Variants in OTOG observed in about 807,000 individuals in gnomAD.
OTOG encodes the protein otogelin.
Under a neutral mutation model 313.8 loss-of-function variants are expected in OTOG, and 296 were observed. The ratio of observed to expected loss-of-function variants is 0.94; its 90% CI spans 0.86 to 1.04. The LOEUF is 1.04. Ranked by LOEUF, OTOG falls within the 50% of genes least tolerant of loss-of-function variation. The probability of loss-of-function intolerance (pLI) is 0.00; values close to 1 mark genes in which losing one functional copy is unlikely to be tolerated. For missense variants in OTOG, 3,948 were observed against 3,840.1 expected, an observed-to-expected ratio of 1.03 and a Z score of -0.74; for synonymous variants, 1,533 against 1,554.9, an observed-to-expected ratio of 0.99 and a Z score of 0.33.
At chr11:17,548,519 A>T (rs1357963853) in intron 3 of OTOG, among the ~76,000 whole-genome samples, 1 of 144,918 alleles carries the variant, frequency 6.9e-6, no homozygotes, top group Non-Finnish European at 1.5e-5. Context: ...GGCAGGTAAA[A>T]GTAGAAAGAT....
Position 17,583,807 on chromosome 11 carries a change from C to T in OTOG, c.2760-2667C>T, listed in dbSNP as rs1364584335. On this transcript the variant is annotated intron_variant, in intron 23 of 55. Coordinates refer to ENST00000399397, the MANE Select transcript of OTOG (RefSeq NM_001292063.2). Reference sequence around the variant, plus strand: ...AAGTTGTTCTAGGTCTTTGCATTTCCGAGTAAATTTAGGATCAGCTTATCA... The same window carrying T: ...AAGTTGTTCTAGGTCTTTGCATTTCTGAGTAAATTTAGGATCAGCTTATCA... Among the ~76,000 whole-genome samples, 3 of 151,806 alleles carry T rather than the reference C, an allele frequency of 2.0e-5. 1 individual carries two copies. Among genetic ancestry groups the T allele is most frequent in the South Asian group, 2.1e-4 (1 of 4,806 alleles).
chr11:17,604,958 C>T (rs556515915), intron 32 of OTOG, among the ~76,000 whole-genome samples: 6 of 152,330 alleles, frequency 3.9e-5, no homozygotes, highest in Admixed American at 2.0e-4. Context: ...GGGACACTAT[C>T]GTCCCTCCTG....
intron 35 of OTOG, among the ~76,000 whole-genome samples, chr11:17,609,432 G>A (rs923239362): frequency 6.6e-6 from 1 of 152,078 alleles, no homozygotes; most frequent in Non-Finnish European, 1.5e-5. Flanking sequence ...CACATGGTGA[G>A]AAGGTGGTGC....
rs76783895 is a variant in OTOG, at chr11:17,645,509, T to C, written c.8462-55T>C. 2.0e-3 allele frequency: 2,969 copies of C among 1,521,450 alleles called. 63 individuals carry two copies. In the African/African-American group the frequency reaches 0.036, roughly 18 times the overall value. The allele number at this position is 1,521,450 out of a possible 1,614,324, so 94.2% of individuals were successfully genotyped here. ...ACTGCCCTGGGCTGGCCCATCCTGCTGCCCCGAAGAAGCCTGGTCTTGGCC... is the reference window on the plus strand; with the variant it reads ...ACTGCCCTGGGCTGGCCCATCCTGCCGCCCCGAAGAAGCCTGGTCTTGGCC... On this transcript the variant is annotated intron_variant, in intron 54 of 55. Coordinates refer to ENST00000399397, the MANE Select transcript of OTOG (RefSeq NM_001292063.2).
intron 31 of OTOG, among the ~76,000 whole-genome samples, chr11:17,601,604 C>T (rs1301970157): frequency 8.8e-6 from 1 of 113,794 alleles, no homozygotes; most frequent in African/African-American, 3.6e-5. Context: ...GGGGGCGTGG[C>T]TGGGAGGGCA....
chr11:17,629,044 A>G (rs1259653915), intron 39 of OTOG, 89 bp from the exon 40 acceptor site: 1 of 1,270,334 alleles, frequency 7.9e-7, no homozygotes, highest in African/African-American at 1.5e-5. Context: ...GGATGGATGG[A>G]TGGATGAATG....
chr11:17,573,165 AGCAGTGCCGCAGG>A lies in OTOG; in HGVS notation c.2170_2182del (p.Gln724MetfsTer75). On this transcript the variant is annotated frameshift_variant, in exon 19 of 56. Coordinates refer to ENST00000399397, the MANE Select transcript of OTOG (RefSeq NM_001292063.2). LOFTEE classifies it high-confidence loss of function. The stretch of plus-strand genomic sequence containing the variant: ...TTCCTGAGCCCCGTGCCCTACTTTG[AGCAGTGCCGCAGG>A]GATGCCTGCCGCTGCGGGCAGCCCT... 1.9e-6 allele frequency: 3 copies of A among 1,543,664 alleles called. No individual in the cohort carries two copies. The highest frequency in any genetic ancestry group is 2.6e-6 in the Non-Finnish European group (3 of 1,146,882).
chr11:17,644,848 G>A (rs1402912543), intron 54 of OTOG, among the ~76,000 whole-genome samples: 2 of 152,194 alleles, frequency 1.3e-5, no homozygotes, highest in African/African-American at 2.4e-5. Context: ...GGTCAGGGAG[G>A]GAGGACTGAG....
At position 17,608,311 on chromosome 11, in the gene OTOG, G is replaced by A. The variant is rs1051609792; in HGVS notation, c.4172G>A (p.Gly1391Glu). The change falls in exon 34 of 56, where the codon GGG (glycine) becomes GAG (glutamate). Residue 1391 changes from glycine (G) to glutamate (E), a missense_variant. By Grantham distance (98) the Gly-to-Glu change is moderately conservative (BLOSUM62 -2). Transcript: ENST00000399397. ...CACTTTCTAGATGCCAAGCCCTCGG[G>A]GGCTGCCTACCCCATCTGCGAGTGG... The part of the protein sequence containing the change: ...LFRLLDAKPS[G>E]AAYPICEWRY... 6.5e-7 allele frequency: 1 copy of A among 1,536,506 alleles called. No homozygotes were observed. The highest frequency in any genetic ancestry group is 8.8e-7 in the Non-Finnish European group (1 of 1,140,562).
chr11:17,555,968 G>T, intron 7 of OTOG, 71 bp downstream of exon 7: 1 of 1,205,444 alleles, frequency 8.3e-7, no homozygotes, highest in Non-Finnish European at 1.2e-6. Context: ...GTGAGCATCC[G>T]CTCTTCTCAA....
chr11:17,594,258 T>C (rs1430210624), intron 28 of OTOG, 92 bp downstream of exon 28: 1 of 1,470,324 alleles, frequency 6.8e-7, no homozygotes, highest in Non-Finnish European at 9.3e-7. Context: ...AGAGGGATGC[T>C]GGTGTGAGGT....
Position 17,548,000 on chromosome 11 carries a change from G to A in OTOG, c.155+13G>A. On this transcript the variant is annotated intron_variant, in intron 2 of 55. Coordinates refer to ENST00000399397, the MANE Select transcript of OTOG (RefSeq NM_001292063.2). ...CCGGGCAACCCAGGTGAGTAGGTGTGAGCTGTGGCGGCCCCACCCACAGCT... is the reference window on the plus strand; with the variant it reads ...CCGGGCAACCCAGGTGAGTAGGTGTAAGCTGTGGCGGCCCCACCCACAGCT... 6 of 788,918 alleles carry A rather than the reference G, an allele frequency of 7.6e-6. No individual in the cohort carries two copies. The highest frequency in any genetic ancestry group is 1.1e-5 in the Non-Finnish European group (6 of 528,276). The allele number at this position is 788,918 out of a possible 1,614,324, so 48.9% of individuals were successfully genotyped here.
intron 24 of OTOG, among the ~76,000 whole-genome samples, chr11:17,587,440 G>T (rs941158708): frequency 6.6e-6 from 1 of 152,182 alleles, no homozygotes; most frequent in Non-Finnish European, 1.5e-5. Context: ...ACCAGCTAGG[G>T]GTGGCCTGAG....
At chr11:17,618,651 T>C (rs1242255171) in intron 39 of OTOG, among the ~76,000 whole-genome samples, 2 of 152,242 alleles carry the variant, frequency 1.3e-5, no homozygotes, top group Non-Finnish European at 2.9e-5. Context: ...AATGTTGAAA[T>C]ATCTGACTGT....
chr11:17,630,463 A>T (rs1224728995), intron 40 of OTOG, among the ~76,000 whole-genome samples: 1 of 152,196 alleles, frequency 6.6e-6, no homozygotes, highest in Non-Finnish European at 1.5e-5. Flanking sequence ...TATTAATAAG[A>T]GTTTGCCTTT....
Position 17,611,059 on chromosome 11 carries a change from C to G in OTOG, c.5759C>G (p.Pro1920Arg). ...VAILSKQVSL[P>R]TSMYGSAEGG... is the part of the protein sequence containing the mutation. ...ATCCTATCCAAGCAAGTGTCTCTGC[C>G]CACTTCCATGTATGGTTCTGCAGAG... Residue 1920 changes from proline (P) to arginine (R), a missense_variant, in exon 36 of 56, where the codon CCC (proline) becomes CGC (arginine). Pro to Arg is a moderately radical substitution (Grantham distance 103). Transcript: ENST00000399397. 6.4e-7 allele frequency: 1 copy of G among 1,550,634 alleles called. No homozygotes were observed. Among genetic ancestry groups the G allele is most frequent in the Non-Finnish European group, 8.7e-7 (1 of 1,147,014 alleles).
At chr11:17,574,142 G>C (rs1185575362) in intron 19 of OTOG, among the ~76,000 whole-genome samples, 2 of 152,198 alleles carry the variant, frequency 1.3e-5, no homozygotes, top group East Asian at 3.9e-4. Context: ...GGTCTCAGTG[G>C]ATCTACTGGA....
At position 17,555,817 on chromosome 11, in the gene OTOG, C is replaced by A. The variant is rs1311359312; in HGVS notation, c.579C>A (p.Thr193=). The change falls in exon 7 of 56, where the codon ACC becomes ACA. Residue 193 remains threonine (T), a synonymous_variant. Transcript: ENST00000399397. ...CGCAGTGTGGCTCTTCACCCTACAC[C>A]TGCTCCAGGGCTGTCAGCCTCTTCT... ...NDPQCGSSPY[T]CSRAVSLFFV... is the part of the protein sequence containing the mutation. 2 of 1,550,816 alleles carry A rather than the reference C, an allele frequency of 1.3e-6. No homozygotes were observed. The highest frequency in any genetic ancestry group is 3.9e-5 in the Admixed American group (2 of 51,018).
At chr11:17,629,449 G>A in intron 40 of OTOG, 133 bp downstream of exon 40, 1 of 1,070,778 alleles carries the variant, frequency 9.3e-7, no homozygotes, top group Non-Finnish European at 1.3e-6. Context: ...GAGCTGTCAG[G>A]GCAGGGAGGC....
Sources: allele counts gnomAD v4.1 joint callset (sites outside exome capture counted in the v4.1 genomes callset), GRCh38; gene constraint gnomAD v4.1.1; transcripts MANE v1.5; gene names NCBI Gene and HGNC (gene_info 2026-07-23, HGNC 2026-07-21).